Variants in GABRB2 observed in about 807,000 individuals in gnomAD.
GABRB2 encodes the protein gamma-aminobutyric acid type A receptor subunit beta2.
A neutral mutation model predicts 54.7 loss-of-function variants in GABRB2; 16 were observed. The ratio of observed to expected loss-of-function variants is 0.29; its 90% CI spans 0.20 to 0.44. The LOEUF (loss-of-function observed/expected upper bound fraction) is 0.44, where lower values mean the gene tolerates loss of function less well. GABRB2 is among the 20% of genes least tolerant of loss of function. The pLI, the probability that GABRB2 is intolerant of heterozygous loss-of-function variation, is 1.00. For synonymous variants in GABRB2, 244 were observed against 233.8 expected, an observed-to-expected ratio of 1.04 and a Z score of -0.40; for missense variants, 355 against 644.0, an observed-to-expected ratio of 0.55 and a Z score of 4.86.
intron 4 of GABRB2, among the ~76,000 whole-genome samples, chr5:161,455,307 C>T (rs935233218): frequency 1.3e-5 from 2 of 152,076 alleles, no homozygotes; most frequent in Admixed American, 6.5e-5. Flanking sequence ...CCTGGCTATC[C>T]GTGATCATGG....
intron 3 of GABRB2, among the ~76,000 whole-genome samples, chr5:161,518,947 A>C (rs566082932): frequency 2.0e-5 from 3 of 152,340 alleles, no homozygotes; most frequent in African/African-American, 7.2e-5. Flanking sequence ...TGTAGACAGC[A>C]GTAGTGATGG....
intron 4 of GABRB2, among the ~76,000 whole-genome samples, chr5:161,424,898 A>T (rs1014131834): frequency 1.3e-5 from 2 of 152,142 alleles, no homozygotes; most frequent in Admixed American, 1.3e-4. Flanking sequence ...AAATACCAAC[A>T]TTAATAAGAG....
At chr5:161,306,579 G>A (rs2113355112) in intron 9 of GABRB2, among the ~76,000 whole-genome samples, 1 of 152,234 alleles carries the variant, frequency 6.6e-6, no homozygotes, top group African/African-American at 2.4e-5. Flanking sequence ...ATAGGTGTGT[G>A]GGGAACACAG....
chr5:161,398,081 G>A (rs1756060976), intron 5 of GABRB2, among the ~76,000 whole-genome samples: 1 of 152,162 alleles, frequency 6.6e-6, no homozygotes, highest in Non-Finnish European at 1.5e-5. Context: ...AAATAAATGT[G>A]ACCACAGGAT....
intron 3 of GABRB2, among the ~76,000 whole-genome samples, chr5:161,525,654 G>C (rs1760255039): frequency 6.6e-6 from 1 of 151,044 alleles, no homozygotes; most frequent in African/African-American, 2.4e-5. Flanking sequence ...ATGCATAATA[G>C]CATGGGATAC....
intron 9 of GABRB2, among the ~76,000 whole-genome samples, chr5:161,321,000 T>G (rs1440330706): frequency 6.6e-6 from 1 of 152,004 alleles, no homozygotes; most frequent in Non-Finnish European, 1.5e-5. Context: ...CATGCTGTAG[T>G]GTATACCACA....
chr5:161,459,857 G>C lies in GABRB2; in HGVS notation c.238-13C>G. 1 of 1,510,702 alleles carries C rather than the reference G, an allele frequency of 6.6e-7. No homozygotes were observed. The highest frequency in any genetic ancestry group is 9.1e-7 in the Non-Finnish European group (1 of 1,101,950). 93.6% of individuals were successfully genotyped at this position (1,510,702 alleles called of 1,614,324 possible). On this transcript the variant is annotated splice_polypyrimidine_tract_variant and intron_variant, in intron 3 of 9. Transcript: ENST00000393959. ...TCAAGGTATAATCCTGTAAATGTGA[G>C]AAAAAAAAACATGGTTAGTTTACAC...
At chr5:161,512,970 A>G (rs753072477) in intron 3 of GABRB2, among the ~76,000 whole-genome samples, 16 of 151,998 alleles carry the variant, frequency 1.1e-4, no homozygotes, top group Non-Finnish European at 2.4e-4. Context: ...ATCCCTAATC[A>G]TCAAAGGAAT....
chr5:161,517,026 C>T (rs1759971341), intron 3 of GABRB2, among the ~76,000 whole-genome samples: 1 of 152,124 alleles, frequency 6.6e-6, no homozygotes, highest in Admixed American at 6.5e-5. Flanking sequence ...AGAGAGGCTC[C>T]TATGCCCTGT....
intron 9 of GABRB2, among the ~76,000 whole-genome samples, chr5:161,302,930 T>G (rs1580961601): frequency 6.6e-6 from 1 of 152,054 alleles, no homozygotes; most frequent in African/African-American, 2.4e-5. Flanking sequence ...CCAACAAAAA[T>G]TGGGAGTTTG....
chr5:161,530,495 C>G (rs1760420804), intron 3 of GABRB2, among the ~76,000 whole-genome samples: 1 of 152,036 alleles, frequency 6.6e-6, no homozygotes, highest in Admixed American at 6.6e-5. Context: ...GATAGTTGAT[C>G]TTTCTAAATA....
chr5:161,355,417 T>C (rs1754590673), intron 5 of GABRB2, among the ~76,000 whole-genome samples: 1 of 150,534 alleles, frequency 6.6e-6, no homozygotes. Context: ...ATATATAACA[T>C]ATATACATGC....
At chr5:161,470,886 G>T (rs191837220) in intron 3 of GABRB2, among the ~76,000 whole-genome samples, 1 of 151,908 alleles carries the variant, frequency 6.6e-6, no homozygotes, top group Non-Finnish European at 1.5e-5. Context: ...TGATCCAGGC[G>T]TCTTATCTTT....
At position 161,514,578 on chromosome 5, in the gene GABRB2, C is replaced by CGTGT. The variant is rs145160394; in HGVS notation, c.237+30645_237+30648dup. ...TTCTCTATCCCTAAAAGTATATATACGTGTGTGTGTGTGTGTATGTGTGTG... is the reference window on the plus strand; with the variant it reads ...TTCTCTATCCCTAAAAGTATATATACGTGTGTGTGTGTGTGTGTGTATGTGTGTG... On this transcript the variant is annotated intron_variant, in intron 3 of 9. Transcript: ENST00000393959. 6.3e-3 allele frequency among the ~76,000 whole-genome samples: 949 copies of CGTGT among 150,588 alleles called. 11 individuals are homozygous for CGTGT. The highest frequency in any genetic ancestry group is 0.021 in the African/African-American group (865 of 41,146).
At chr5:161,517,218 T>A (rs1759977238) in intron 3 of GABRB2, among the ~76,000 whole-genome samples, 1 of 152,166 alleles carries the variant, frequency 6.6e-6, no homozygotes, top group Non-Finnish European at 1.5e-5. Flanking sequence ...TGAGAAAATA[T>A]CTTACATCAT....
At chr5:161,446,774 C>T (rs1468208973) in intron 4 of GABRB2, among the ~76,000 whole-genome samples, 1 of 152,028 alleles carries the variant, frequency 6.6e-6, no homozygotes, top group Non-Finnish European at 1.5e-5. Flanking sequence ...GTAAAACAAC[C>T]CCTGTGTCTT....
chr5:161,461,272 T>C (rs1581005693), intron 3 of GABRB2, among the ~76,000 whole-genome samples: 2 of 152,248 alleles, frequency 1.3e-5, no homozygotes, highest in East Asian at 3.9e-4. Flanking sequence ...ACAATATTAA[T>C]TCAGTCAGTT....
chr5:161,413,412 T>C (rs966652075), intron 4 of GABRB2, among the ~76,000 whole-genome samples: 1 of 152,168 alleles, frequency 6.6e-6, no homozygotes, highest in Non-Finnish European at 1.5e-5. Flanking sequence ...GTTTATGTTT[T>C]CAATGGGATT....
intron 5 of GABRB2, among the ~76,000 whole-genome samples, chr5:161,392,797 A>G (rs891196956): frequency 1.3e-5 from 2 of 152,172 alleles, no homozygotes; most frequent in Non-Finnish European, 2.9e-5. Flanking sequence ...AATCATTTTG[A>G]TTAGTAGGTG....
Sources: gnomAD v4.1 joint callset for allele counts (sites outside exome capture counted in the v4.1 genomes callset) on GRCh38, gnomAD v4.1.1 for gene constraint, MANE v1.5 for transcripts, NCBI Gene and HGNC (gene_info 2026-07-23, HGNC 2026-07-21) for gene names.